Variants in NEO1 observed in about 807,000 individuals in gnomAD.
NEO1 encodes neogenin.
Under a neutral mutation model 159.7 loss-of-function variants are expected in NEO1, and 63 were observed. That is an observed-to-expected ratio of 0.39 (90% CI 0.32 to 0.49). The LOEUF (loss-of-function observed/expected upper bound fraction) is 0.49. NEO1 is among the 20% of genes least tolerant of loss of function. NEO1 has a pLI of 0.85. For missense variants in NEO1, 1,615 were observed against 1,831.0 expected, an observed-to-expected ratio of 0.88 and a Z score of 2.15; for synonymous variants, 633 against 662.0, an observed-to-expected ratio of 0.96 and a Z score of 0.67.
chr15:73,242,471 C>A (rs531148266), intron 8 of NEO1, among the ~76,000 whole-genome samples: 1 of 152,092 alleles, frequency 6.6e-6, no homozygotes, highest in Non-Finnish European at 1.5e-5. Context: ...AGTTTGAGAC[C>A]AGCCTGGCCA....
intron 15 of NEO1, among the ~76,000 whole-genome samples, chr15:73,264,380 G>A (rs2040785817): frequency 6.6e-6 from 1 of 152,202 alleles, no homozygotes; most frequent in African/African-American, 2.4e-5. Flanking sequence ...AGAGAAGGGA[G>A]AACGCTATAG....
chr15:73,052,683 C>T lies in NEO1; in HGVS notation c.8C>T (p.Ala3Val). 2.2e-6 allele frequency: 3 copies of T among 1,344,522 alleles called. No individual in the cohort carries two copies. The highest frequency in any genetic ancestry group is 1.5e-5 in the African/African-American group (1 of 65,228). 83.3% of individuals were successfully genotyped at this position (1,344,522 alleles called of 1,614,324 possible). MA[A>V]ERGARRLLST... ...CTCACTCTCGGGGAAGAGATGGCGGCGGAGCGGGGAGCCCGGCGACTCCTC... is the reference window on the plus strand; with the variant it reads ...CTCACTCTCGGGGAAGAGATGGCGGTGGAGCGGGGAGCCCGGCGACTCCTC... Residue 3 changes from alanine to valine, a missense_variant, in exon 1 of 29, where the codon GCG (alanine) becomes GTG (valine). Ala to Val is a moderately conservative substitution (Grantham distance 64, BLOSUM62 0). This residue lies in a region of NEO1 where 1,018 missense variants were observed against 1,115.4 expected (regional missense o/e 0.91). Coordinates refer to ENST00000261908, the MANE Select transcript of NEO1 (RefSeq NM_002499.4).
Position 73,181,401 on chromosome 15 carries a change from G to A in NEO1, c.1291+2974G>A, listed in dbSNP as rs191897547. Among the ~76,000 whole-genome samples the A allele has an allele frequency of 2.2e-4, 33 of 152,286 alleles. 1 individual carries two copies. The highest frequency in any genetic ancestry group is 3.4e-3 in the Middle Eastern group (1 of 294). ...ATCGGTGGAAAAGGATCCTACTAAG[G>A]AGATTGTGTTAGTCTGTTCTTGCAT... On this transcript the variant is annotated intron_variant, in intron 7 of 28. Transcript: ENST00000261908.
chr15:73,154,264 A>G (rs1450249152), intron 5 of NEO1, among the ~76,000 whole-genome samples: 1 of 152,162 alleles, frequency 6.6e-6, no homozygotes, highest in Admixed American at 6.5e-5. Context: ...TACATGAGAT[A>G]TTTTGACGCT....
intron 5 of NEO1, among the ~76,000 whole-genome samples, chr15:73,164,413 C>T (rs2034427579): frequency 6.6e-6 from 1 of 151,734 alleles, no homozygotes; most frequent in African/African-American, 2.4e-5. Context: ...CAGGGTTTCA[C>T]CATGTTGGAC....
chr15:73,149,901 A>G (rs2033236177), intron 5 of NEO1, among the ~76,000 whole-genome samples: 1 of 152,174 alleles, frequency 6.6e-6, no homozygotes, highest in Admixed American at 6.5e-5. Context: ...AATATATAGT[A>G]TGTTATTGTT....
chr15:73,298,671 G>C, intron 27 of NEO1, 60 bp downstream of exon 27: 1 of 1,594,544 alleles, frequency 6.3e-7, no homozygotes, highest in Non-Finnish European at 8.6e-7. Context: ...TTTGGCTCAA[G>C]CTTGGGACAA....
rs115501451 is a variant in NEO1, at chr15:73,146,424, A to G, written c.1015+10397A>G. Among the ~76,000 whole-genome samples the G allele has an allele frequency of 1.6e-3, 243 of 152,288 alleles. 1 individual carries two copies. Among genetic ancestry groups the G allele is most frequent in the African/African-American group, 5.6e-3 (231 of 41,582 alleles). On this transcript the variant is annotated intron_variant, in intron 5 of 28. Transcript: ENST00000261908. ...TGTATTCAGAATATTTCAGAATTTC[A>G]CTTTATAAACTTTATATTTTTAAGG...
chr15:73,276,211 C>T (rs377150576), intron 21 of NEO1, among the ~76,000 whole-genome samples: 7 of 152,268 alleles, frequency 4.6e-5, no homozygotes, highest in Middle Eastern at 3.4e-3. Context: ...ATTTTTGGTG[C>T]TCAGTTCATC....
intron 22 of NEO1, among the ~76,000 whole-genome samples, chr15:73,279,298 T>A (rs1294507822): frequency 1.3e-5 from 2 of 152,006 alleles, no homozygotes; most frequent in African/African-American, 2.4e-5. Flanking sequence ...TTTGTCTTTC[T>A]TTCATTCATG....
At chr15:73,211,639 A>G (rs770024960) in intron 7 of NEO1, among the ~76,000 whole-genome samples, 2 of 152,138 alleles carry the variant, frequency 1.3e-5, no homozygotes, top group Admixed American at 6.5e-5. Flanking sequence ...CACTTGAACC[A>G]GGGAGTCAGA....
At position 73,127,714 on chromosome 15, in the gene NEO1, T is replaced by G. The variant is rs75333535; in HGVS notation, c.878+1144T>G. Among the ~76,000 whole-genome samples, 50 of 152,346 alleles carry G rather than the reference T, an allele frequency of 3.3e-4. No individual in the cohort carries two copies. The East Asian group carries it at 9.2e-3, about 28-fold the overall frequency. ...AGAAGTACATGTACAATAATAAATA[T>G]AATAGTAATATTTTATGTGATGTAC... On this transcript the variant is annotated intron_variant, in intron 4 of 28. Coordinates refer to ENST00000261908, the MANE Select transcript of NEO1 (RefSeq NM_002499.4).
intron 13 of NEO1, among the ~76,000 whole-genome samples, chr15:73,256,364 G>T (rs1048984993): frequency 4.6e-5 from 7 of 152,126 alleles, no homozygotes; most frequent in Admixed American, 4.6e-4. Flanking sequence ...GCTGGGTGTG[G>T]TGGCACCCAC....
intron 2 of NEO1, among the ~76,000 whole-genome samples, chr15:73,118,370 A>AT (rs1168628777): frequency 6.6e-6 from 1 of 152,014 alleles, no homozygotes; most frequent in Non-Finnish European, 1.5e-5. Flanking sequence ...AGGCCTGTTG[A>AT]TTCCTTTTAT....
chr15:73,144,590 A>G (rs2032722772), intron 5 of NEO1, among the ~76,000 whole-genome samples: 1 of 152,046 alleles, frequency 6.6e-6, no homozygotes, highest in Non-Finnish European at 1.5e-5. Flanking sequence ...TGTTCCACCG[A>G]GTTCTGTTGT....
chr15:73,242,899 C>T (rs112068411), intron 8 of NEO1, among the ~76,000 whole-genome samples: 21 of 152,036 alleles, frequency 1.4e-4, no homozygotes, highest in Non-Finnish European at 2.8e-4. Context: ...GAAAAATATC[C>T]GCTTATACGT....
chr15:73,211,598 C>G (rs1040622410), intron 7 of NEO1, among the ~76,000 whole-genome samples: 10 of 152,142 alleles, frequency 6.6e-5, no homozygotes, highest in Non-Finnish European at 1.3e-4. Flanking sequence ...GCGTGTATTC[C>G]CAGCTACTCG....
At chr15:73,127,290 C>G (rs1235908428) in intron 4 of NEO1, among the ~76,000 whole-genome samples, 2 of 151,718 alleles carry the variant, frequency 1.3e-5, no homozygotes, top group East Asian at 1.9e-4. Flanking sequence ...TGAATCCTAT[C>G]AGAAATCACA....
intron 9 of NEO1, among the ~76,000 whole-genome samples, chr15:73,245,178 G>A (rs1194677983): frequency 6.6e-6 from 1 of 151,848 alleles, no homozygotes; most frequent in Non-Finnish European, 1.5e-5. Flanking sequence ...TGCTGATTTT[G>A]TAGCAAAGAC....
Sources: allele counts gnomAD v4.1 joint callset (sites outside exome capture counted in the v4.1 genomes callset), GRCh38; gene constraint gnomAD v4.1.1; regional missense constraint gnomAD v4.1.1; transcripts MANE v1.5; gene names NCBI Gene and HGNC (gene_info 2026-07-23, HGNC 2026-07-21).